The following CLASP1 variants were observed in gnomAD, a reference collection of about 807,000 sequenced individuals.
CLASP1 encodes the protein cytoplasmic linker associated protein 1.
A neutral mutation model predicts 192.3 loss-of-function variants in CLASP1; 38 were observed. The ratio of observed to expected loss-of-function variants is 0.20; its 90% CI spans 0.15 to 0.26. The LOEUF (loss-of-function observed/expected upper bound fraction) is 0.26, where lower values mean the gene tolerates loss of function less well. Among genes scored for constraint, CLASP1 ranks in the 10% least tolerant of loss-of-function variants. The pLI is 1.00. For synonymous variants in CLASP1, 691 were observed against 712.8 expected, an observed-to-expected ratio of 0.97 and a Z score of 0.49; for missense variants, 1,433 against 1,932.5, an observed-to-expected ratio of 0.74 and a Z score of 4.85.
chr2:121,449,755 T>C (rs2085060736), intron 16 of CLASP1, among the ~76,000 whole-genome samples: 2 of 152,170 alleles, frequency 1.3e-5, no homozygotes, highest in South Asian at 2.1e-4. Context: ...AAACACTTCA[T>C]AGTTATAATA....
intron 2 of CLASP1, among the ~76,000 whole-genome samples, chr2:121,578,809 A>G (rs1235955246): frequency 6.6e-6 from 1 of 152,140 alleles, no homozygotes; most frequent in Non-Finnish European, 1.5e-5. Context: ...TTAAAAGCAC[A>G]AGCATTTGGA....
chr2:121,474,739 T>TA (rs1196225204), intron 8 of CLASP1, among the ~76,000 whole-genome samples: 4 of 152,018 alleles, frequency 2.6e-5, no homozygotes, highest in South Asian at 4.2e-4. Context: ...CCGTTTCAAA[T>TA]AAAAAAGAGA....
At chr2:121,401,919 A>T (rs752677226) in intron 26 of CLASP1, 49 bp from the exon 28 acceptor site, 2 of 658,936 alleles carry the variant, frequency 3.0e-6, no homozygotes, top group South Asian at 2.8e-5. Flanking sequence ...AACAAATTCC[A>T]TGTTAGTTGG....
intron 2 of CLASP1, among the ~76,000 whole-genome samples, chr2:121,593,577 C>A: frequency 6.9e-6 from 1 of 144,608 alleles, no homozygotes; most frequent in Admixed American, 7.0e-5. Flanking sequence ...TGAGATCGTG[C>A]CACTGCACTC....
chr2:121,483,726 T>C (rs1347817649), intron 8 of CLASP1, among the ~76,000 whole-genome samples: 2 of 152,172 alleles, frequency 1.3e-5, no homozygotes, highest in East Asian at 1.9e-4. Context: ...TTTTAGTTGA[T>C]GGTTTTCAAT....
At chr2:121,492,123 C>T (rs1208112669) in intron 8 of CLASP1, among the ~76,000 whole-genome samples, 2 of 152,166 alleles carry the variant, frequency 1.3e-5, no homozygotes, top group Non-Finnish European at 2.9e-5. Flanking sequence ...AAAAGATTGG[C>T]TCACGCCTGT....
intron 37 of CLASP1, among the ~76,000 whole-genome samples, chr2:121,350,027 C>T (rs2064068955): frequency 6.6e-6 from 1 of 152,192 alleles, no homozygotes; most frequent in Admixed American, 6.5e-5. Flanking sequence ...ACCAATGGCA[C>T]AGAGTACACA....
intron 2 of CLASP1, among the ~76,000 whole-genome samples, chr2:121,569,701 C>T (rs1218035359): frequency 1.3e-5 from 2 of 152,000 alleles, no homozygotes; most frequent in African/African-American, 4.8e-5. Context: ...GTTAGCAGGG[C>T]GTGGTGGTGC....
At chr2:121,405,963 G>T (rs891859911) in intron 25 of CLASP1, among the ~76,000 whole-genome samples, 1 of 152,130 alleles carries the variant, frequency 6.6e-6, no homozygotes, top group Non-Finnish European at 1.5e-5. Context: ...ACCCAAGAGG[G>T]ATGCCCATCT....
chr2:121,481,000 A>C (rs551391919), intron 8 of CLASP1, among the ~76,000 whole-genome samples: 2 of 152,096 alleles, frequency 1.3e-5, no homozygotes, highest in Non-Finnish European at 1.5e-5. Flanking sequence ...AGACCCACAC[A>C]CCCAGACTTC....
At chr2:121,469,709 T>C in intron 9 of CLASP1, 99 bp downstream of exon 9, 1 of 1,165,110 alleles carries the variant, frequency 8.6e-7, no homozygotes, top group Admixed American at 2.9e-5. Flanking sequence ...ATATGGGGAC[T>C]GTATCACTTC....
At chr2:121,397,622 G>A (rs1014424857) in intron 29 of CLASP1, among the ~76,000 whole-genome samples, 2 of 152,194 alleles carry the variant, frequency 1.3e-5, no homozygotes, top group African/African-American at 4.8e-5. Flanking sequence ...ACTGACTGCA[G>A]GGCATGTTCA....
At chr2:121,632,078 TA>T (rs1359396572) in intron 1 of CLASP1, among the ~76,000 whole-genome samples, 1 of 151,626 alleles carries the variant, frequency 6.6e-6, no homozygotes, top group East Asian at 1.9e-4. Context: ...AATAAATAAA[TA>T]AAATAAATAC....
At chr2:121,428,372 A>AAG (rs1462546025) in intron 20 of CLASP1, among the ~76,000 whole-genome samples, 1 of 152,254 alleles carries the variant, frequency 6.6e-6, no homozygotes, top group Non-Finnish European at 1.5e-5. Context: ...GAGGGAAGCA[A>AAG]CACTGCAAAA....
intron 8 of CLASP1, among the ~76,000 whole-genome samples, chr2:121,479,019 CA>C (rs1559370677): frequency 3.3e-4 from 26 of 78,194 alleles, no homozygotes; most frequent in African/African-American, 2.7e-3. Flanking sequence ...ACACACACCA[CA>C]CACACACACA....
intron 1 of CLASP1, among the ~76,000 whole-genome samples, chr2:121,633,997 CA>C (rs558556369): frequency 0.062 from 5,793 of 93,008 alleles, 137 homozygotes; most frequent in East Asian, 0.19. Flanking sequence ...GACTCCGTCT[CA>C]AAAAAAAAAA....
intron 8 of CLASP1, among the ~76,000 whole-genome samples, chr2:121,474,508 A>G (rs1158059910): frequency 6.6e-6 from 1 of 152,162 alleles, no homozygotes; most frequent in Non-Finnish European, 1.5e-5. Context: ...CGGCCGAGGC[A>G]GGCAGATCAC....
intron 2 of CLASP1, among the ~76,000 whole-genome samples, chr2:121,565,301 G>A (rs2059409175): frequency 6.6e-6 from 1 of 152,064 alleles, no homozygotes; most frequent in Admixed American, 6.6e-5. Context: ...GACCAAGGAG[G>A]GTCTCAGTAA....
At chr2:121,526,969 TA>T (rs1410476263) in intron 5 of CLASP1, among the ~76,000 whole-genome samples, 2 of 151,908 alleles carry the variant, frequency 1.3e-5, no homozygotes, top group African/African-American at 4.8e-5. Flanking sequence ...ATGGCTAAAA[TA>T]AAAAAATGAC....
Sources: allele counts gnomAD v4.1 joint callset (sites outside exome capture counted in the v4.1 genomes callset), GRCh38; gene constraint gnomAD v4.1.1; transcripts MANE v1.5; gene names NCBI Gene and HGNC (gene_info 2026-07-23, HGNC 2026-07-21).